Variants in C9orf50 observed in about 807,000 individuals in gnomAD.
The protein encoded by C9orf50 is chromosome 9 open reading frame 50.
Under a neutral mutation model 42.5 loss-of-function variants are expected in C9orf50, and 33 were observed. That is an observed-to-expected ratio of 0.78 (90% CI 0.59 to 1.04). The LOEUF is 1.04. Ranked by LOEUF, C9orf50 falls within the 50% of genes least tolerant of loss-of-function variation. C9orf50 has a pLI of 0.00. For missense variants in C9orf50, 547 were observed against 594.3 expected, an observed-to-expected ratio of 0.92 and a Z score of 0.83; for synonymous variants, 257 against 273.4, an observed-to-expected ratio of 0.94 and a Z score of 0.59.
At position 129,620,596 on chromosome 9, in the gene C9orf50, A is replaced by T. The variant is rs199545138; in HGVS notation, c.-22T>A. On this transcript the variant is annotated 5_prime_UTR_variant, in exon 1 of 7. Coordinates refer to ENST00000372478, the Ensembl canonical transcript of C9orf50. This position sits in a 1 kb window ranked among gnomAD's most constrained non-coding sequence, Gnocchi z 5.8. ...ACATGCTTGGCCCCGCACTCAGCTC[A>T]CCGCACCCTCAGCGCGCGTGGGTGG... The T allele has an allele frequency of 5.2e-4, 687 of 1,318,648 alleles. 8 individuals carry two copies. In the East Asian group the frequency reaches 0.015, roughly 29 times the overall value. 81.7% of individuals were successfully genotyped at this position (1,318,648 alleles called of 1,614,324 possible).
In C9orf50 at chr9:129,620,694, C is replaced by G; in HGVS notation, c.-120G>C. On this transcript the variant is annotated 5_prime_UTR_variant, in exon 1 of 7. Transcript: ENST00000372478. The surrounding 1 kb of genome is among the most constrained non-coding windows in gnomAD (Gnocchi z 5.8). Reference sequence around the variant, plus strand: ...GTGCCCCGGGCGGGGCAGCGCGGTGCGGGGTGAACGCCACCGGCCCGGCGG... The same window carrying G: ...GTGCCCCGGGCGGGGCAGCGCGGTGGGGGGTGAACGCCACCGGCCCGGCGG... 4.3e-6 allele frequency: 4 copies of G among 924,518 alleles called. No homozygotes were observed. The highest frequency in any genetic ancestry group is 3.3e-5 in the East Asian group (1 of 30,124). The allele number at this position is 924,518 out of a possible 1,614,324, so 57.3% of individuals were successfully genotyped here. A position where few individuals can be genotyped will look rare whatever the true frequency, so the allele number is the denominator to read the frequency against.
At chr9:129,615,292 C>T (rs1048806494) in intron 4 of C9orf50, among the ~76,000 whole-genome samples, 192 bp downstream of exon 4, 10 of 152,216 alleles carry the variant, frequency 6.6e-5, no homozygotes, top group Non-Finnish European at 1.0e-4. Flanking sequence ...GACTCTGGAC[C>T]CTCTACTTGG....
upstream of C9orf50, among the ~76,000 whole-genome samples, chr9:129,621,318 G>A (rs1830698501): frequency 6.6e-6 from 1 of 152,178 alleles, no homozygotes; most frequent in African/African-American, 2.4e-5. Flanking sequence ...GTACGTCTCT[G>A]CTGGAGCCAA....
Position 129,620,514 on chromosome 9 carries a change from C to T in C9orf50, c.61G>A (p.Asp21Asn). Residue 21 changes from aspartate to asparagine, a missense_variant, in exon 1 of 7, where the codon GAC becomes AAC. By Grantham distance (23) the Asp-to-Asn change is conservative (BLOSUM62 1). Around this residue, in one of 3 missense-constraint regions of C9orf50, gnomAD observed 105 missense variants for 98.5 expected, o/e 1.07. Coordinates refer to ENST00000372478, the Ensembl canonical transcript of C9orf50. The surrounding 1 kb of genome is among the most constrained non-coding windows in gnomAD (Gnocchi z 5.8). ...TCGCTGCTGCGTCGGAAGTCTCCGT[C>T]GCCAGGGAGCCCCTTGGGCGCCAGG... 1.4e-6 allele frequency: 2 copies of T among 1,441,026 alleles called. No homozygotes were observed. Among genetic ancestry groups the T allele is most frequent in the East Asian group, 2.8e-5 (1 of 35,532 alleles). 89.3% of individuals were successfully genotyped at this position (1,441,026 alleles called of 1,614,324 possible).
intron 3 of C9orf50, among the ~76,000 whole-genome samples, chr9:129,616,926 T>G (rs1482760381): frequency 1.3e-5 from 2 of 151,960 alleles, no homozygotes; most frequent in Non-Finnish European, 2.9e-5. Context: ...ACAAAAAAAT[T>G]AGCTGGGCAC....
At position 129,620,380 on chromosome 9, in the gene C9orf50, C is replaced by T. The variant is rs1187765385; in HGVS notation, c.195G>A (p.Gly65=). The T allele has an allele frequency of 2.4e-5, 30 of 1,230,496 alleles. No individual in the cohort carries two copies. The East Asian group carries it at 4.2e-4, about 17-fold the overall frequency. 76.2% of individuals were successfully genotyped at this position (1,230,496 alleles called of 1,614,324 possible). The stretch of plus-strand genomic sequence containing the variant: ...CGACGCCCACCCCGGGCTTGGCGTC[C>T]CCTTCCGGCCACCACGCGGCGCCGC... Residue 65 remains glycine, a synonymous_variant, in exon 1 of 7, where the codon GGG becomes GGA. Coordinates refer to ENST00000372478, the Ensembl canonical transcript of C9orf50. The surrounding 1 kb of genome is among the most constrained non-coding windows in gnomAD (Gnocchi z 5.8).
Position 129,614,921 on chromosome 9 carries a change from G to T in C9orf50, c.880+563C>A, listed in dbSNP as rs1216972820. On this transcript the variant is annotated intron_variant, in intron 4 of 6. Transcript: ENST00000372478. The surrounding 1 kb of genome is among the most constrained non-coding windows in gnomAD (Gnocchi z 4.4). Reference sequence around the variant, plus strand: ...CGTATCAGAAAAAAAAAAAGAAAAAGAAAACTCACTGGGAACTGCAAAACA... The same window carrying T: ...CGTATCAGAAAAAAAAAAAGAAAAATAAAACTCACTGGGAACTGCAAAACA... Among the ~76,000 whole-genome samples the T allele has an allele frequency of 2.0e-5, 3 of 151,852 alleles. No individual in the cohort carries two copies. Among genetic ancestry groups the T allele is most frequent in the African/African-American group, 7.3e-5 (3 of 41,324 alleles).
In C9orf50 at chr9:129,613,317, G is replaced by T; in HGVS notation, c.1044-66C>A. 1 of 1,564,068 alleles carries T rather than the reference G, an allele frequency of 6.4e-7. No homozygotes were observed. Among genetic ancestry groups the T allele is most frequent in the East Asian group, 2.3e-5 (1 of 44,296 alleles). On this transcript the variant is annotated intron_variant, in intron 5 of 6. Coordinates refer to ENST00000372478, the Ensembl canonical transcript of C9orf50. The surrounding 1 kb of genome is among the most constrained non-coding windows in gnomAD (Gnocchi z 6.2). ...TCCCCGGCCCACCCATGGCTGGCAG[G>T]GCCCTTGAGGACCCACACTGGCAAC...
chr9:129,619,491 A>G (rs1830561375), intron 3 of C9orf50, 29 bp downstream of exon 3: 2 of 1,535,358 alleles, frequency 1.3e-6, no homozygotes, highest in African/African-American at 2.7e-5. Flanking sequence ...TTCCTCCACT[A>G]CCCTACCCTT....
At position 129,614,114 on chromosome 9, in the gene C9orf50, C is replaced by T. The variant is rs920778592; in HGVS notation, c.881-517G>A. ...AGCTCCTTATGGCCAGTGGCTGACACGGAATCATCTCCTGTATGCACCAAC... is the reference window on the plus strand; with the variant it reads ...AGCTCCTTATGGCCAGTGGCTGACATGGAATCATCTCCTGTATGCACCAAC... On this transcript the variant is annotated intron_variant, in intron 4 of 6. Coordinates refer to ENST00000372478, the Ensembl canonical transcript of C9orf50. The surrounding 1 kb of genome is among the most constrained non-coding windows in gnomAD (Gnocchi z 4.4). 3.9e-5 allele frequency among the ~76,000 whole-genome samples: 6 copies of T among 152,192 alleles called. No homozygotes were observed. Among genetic ancestry groups the T allele is most frequent in the African/African-American group, 1.2e-4 (5 of 41,434 alleles).
Position 129,620,349 on chromosome 9 carries a change from G to A in C9orf50, c.226C>T (p.Leu76Phe), listed in dbSNP as rs960189428. Residue 76 changes from leucine to phenylalanine, a missense_variant, in exon 1 of 7, where the codon CTC (leucine) becomes TTC (phenylalanine). This residue lies in a region of C9orf50 where 108 missense variants were observed against 172.1 expected (regional missense o/e 0.63). Transcript: ENST00000372478. The surrounding 1 kb of genome is among the most constrained non-coding windows in gnomAD (Gnocchi z 5.8). The stretch of plus-strand genomic sequence containing the variant: ...AGCAAGGCGGGCAGGCGCGGCGGGA[G>A]GCGTCCGACGCCCACCCCGGGCTTG... 296 of 1,228,976 alleles carry A rather than the reference G, an allele frequency of 2.4e-4. No individual in the cohort carries two copies. Among genetic ancestry groups the A allele is most frequent in the Non-Finnish European group, 2.2e-4 (218 of 986,058 alleles). 76.1% of individuals were successfully genotyped at this position (1,228,976 alleles called of 1,614,324 possible).
Position 129,613,716 on chromosome 9 carries a change from A to C in C9orf50, c.881-119T>G, listed in dbSNP as rs1403221143. 1.5e-6 allele frequency: 2 copies of C among 1,293,838 alleles called. No homozygotes were observed. Among genetic ancestry groups the C allele is most frequent in the Admixed American group, 4.3e-5 (2 of 46,238 alleles). 80.1% of individuals were successfully genotyped at this position (1,293,838 alleles called of 1,614,324 possible). A position where few individuals can be genotyped will look rare whatever the true frequency, so the allele number is the denominator to read the frequency against. On this transcript the variant is annotated intron_variant, in intron 4 of 6. Coordinates refer to ENST00000372478, the Ensembl canonical transcript of C9orf50. The surrounding 1 kb of genome is among the most constrained non-coding windows in gnomAD (Gnocchi z 6.2). ...AGAGCCCTGTCTCCATGGCAACCCC[A>C]GGCTCCCCAGCGCCTTCTGGCTGCC...
chr9:129,620,461 G>A lies in C9orf50; in HGVS notation c.114C>T (p.Pro38=), dbSNP rs1036611530. 1 of 1,333,802 alleles carries A rather than the reference G, an allele frequency of 7.5e-7. No homozygotes were observed. The highest frequency in any genetic ancestry group is 1.8e-5 in the South Asian group (1 of 54,206). 82.6% of individuals were successfully genotyped at this position (1,333,802 alleles called of 1,614,324 possible). Residue 38 remains proline (P), a synonymous_variant, in exon 1 of 7, where the codon CCC becomes CCT. Coordinates refer to ENST00000372478, the Ensembl canonical transcript of C9orf50. The surrounding 1 kb of genome is among the most constrained non-coding windows in gnomAD (Gnocchi z 5.8). ...GCGCGCCCAGAGCCGCTCGGAGCGC[G>A]GGCGGGGTCAGCTTGGGCAGCCGCG...
intron 3 of C9orf50, among the ~76,000 whole-genome samples, chr9:129,618,432 G>C (rs1830496954): frequency 6.6e-6 from 1 of 152,136 alleles, no homozygotes; most frequent in Admixed American, 6.5e-5. Context: ...GTGGGTTGAT[G>C]GGTGGATGGA....
chr9:129,620,431 GC>G lies in C9orf50; in HGVS notation c.143del (p.Gly48AlafsTer96). ...CCCCCGGGATCCTCCAGTCCCCGGAGCCCCGCGCGCCCAGAGCCGCTCGGAG... is the reference window on the plus strand; with the variant it reads ...CCCCCGGGATCCTCCAGTCCCCGGAGCCCGCGCGCCCAGAGCCGCTCGGAG... On this transcript the variant is annotated frameshift_variant, in exon 1 of 7. Transcript: ENST00000372478. LOFTEE classifies it high-confidence loss of function. This position sits in a 1 kb window ranked among gnomAD's most constrained non-coding sequence, Gnocchi z 5.8. The G allele has an allele frequency of 7.9e-7, 1 of 1,265,572 alleles. No homozygotes were observed. Among genetic ancestry groups the G allele is most frequent in the East Asian group, 3.2e-5 (1 of 31,694 alleles). The allele number at this position is 1,265,572 out of a possible 1,614,324, so 78.4% of individuals were successfully genotyped here.
At chr9:129,621,072 A>AACGGCATC (rs1488467555), upstream of C9orf50, among the ~76,000 whole-genome samples, 1 of 152,240 alleles carries the variant, frequency 6.6e-6, no homozygotes, top group Non-Finnish European at 1.5e-5. Context: ...GCAGCCGTGA[A>AACGGCATC]ACGGCATCAC....
chr9:129,615,361 G>C (rs1830312645), intron 4 of C9orf50, 123 bp downstream of exon 4: 1 of 1,063,608 alleles, frequency 9.4e-7, no homozygotes, highest in African/African-American at 1.6e-5. Context: ...TCCTCTGCAG[G>C]ATCACTGATC....
rs1830226124 is a variant in C9orf50 at position 129,614,033 on chromosome 9, A to G, written c.881-436T>C. On this transcript the variant is annotated intron_variant, in intron 4 of 6. Coordinates refer to ENST00000372478, the Ensembl canonical transcript of C9orf50. The surrounding 1 kb of genome is among the most constrained non-coding windows in gnomAD (Gnocchi z 4.4). The stretch of plus-strand genomic sequence containing the variant: ...TGCCCCAGGATGGAAAGGGCTGGGA[A>G]GCAGCAGGCTGGCCCCCACGTCTCC... Among the ~76,000 whole-genome samples, 1 of 152,182 alleles carries G rather than the reference A, an allele frequency of 6.6e-6. No individual in the cohort carries two copies. The highest frequency in any genetic ancestry group is 6.5e-5 in the Admixed American group (1 of 15,284).
At chr9:129,615,574 G>A in exon 4 of C9orf50, 1 of 1,608,490 alleles carries the variant, frequency 6.2e-7, no homozygotes, top group African/African-American at 1.3e-5. Flanking sequence ...TGCCTGCAGG[G>A]CCTAGAGCCT....
Sources: gnomAD v4.1 joint callset for allele counts (sites outside exome capture counted in the v4.1 genomes callset) on GRCh38, gnomAD v4.1.1 for gene constraint, gnomAD v4.1.1 regional missense constraint, Gnocchi (gnomAD v3.1) non-coding constraint, MANE v1.5 for transcripts, NCBI Gene and HGNC (gene_info 2026-07-23, HGNC 2026-07-21) for gene names.